STAG1: variants seen among roughly 807,000 people sequenced by gnomAD.
The protein encoded by STAG1 is STAG1 cohesin complex component, also known as cohesin subunit SA-1.
Under a neutral mutation model 170.9 loss-of-function variants are expected in STAG1, and 26 were observed. The observed-to-expected ratio is 0.15, with a 90% CI of 0.11 to 0.21. The LOEUF is 0.21. STAG1 is among the 10% of genes least tolerant of loss of function. STAG1 has a pLI of 1.00. For missense variants in STAG1, 964 were observed against 1,509.5 expected (o/e 0.64, Z 5.99); for synonymous variants, 514 against 497.7 (o/e 1.03, Z -0.44).
chr3:136,525,489 C>A (rs1934963285), intron 6 of STAG1, among the ~76,000 whole-genome samples: 2 of 151,858 alleles, frequency 1.3e-5, no homozygotes, highest in African/African-American at 4.8e-5. Flanking sequence ...TCTCTCTTTT[C>A]TTCTTTATTA....
intron 1 of STAG1, among the ~76,000 whole-genome samples, chr3:136,684,194 A>T (rs1316975608): frequency 1.3e-5 from 2 of 152,222 alleles, no homozygotes; most frequent in African/African-American, 4.8e-5. Flanking sequence ...TTTACTGAAG[A>T]GGCCAAAGGT....
rs1269297701 is a variant in STAG1 at position 136,433,715 on chromosome 3, T to C, written c.1547-56A>G. On this transcript the variant is annotated intron_variant, in intron 15 of 33. Transcript: ENST00000383202. ...TAGACAGTTTTACAACAACCATGTA[T>C]TAAAAATGAACACATTATTAAAAAA... 6 of 1,199,178 alleles carry C rather than the reference T, an allele frequency of 5.0e-6. No individual in the cohort carries two copies. The East Asian group carries it at 9.5e-5, about 19-fold the overall frequency. The allele number at this position is 1,199,178 out of a possible 1,614,324, so 74.3% of individuals were successfully genotyped here.
rs183035596 is a variant in STAG1, at chr3:136,379,784, C to G, written c.2278-2032G>C. ...GTAGCTGGGGTATAAATAGGGAAGACAGCAGCAAGAAAAAAAGCTAAAGAA... is the reference window on the plus strand; with the variant it reads ...GTAGCTGGGGTATAAATAGGGAAGAGAGCAGCAAGAAAAAAAGCTAAAGAA... On this transcript the variant is annotated intron_variant, in intron 22 of 33. Coordinates refer to ENST00000383202, the MANE Select transcript of STAG1 (RefSeq NM_005862.3). Among the ~76,000 whole-genome samples, 710 of 152,186 alleles carry G rather than the reference C, an allele frequency of 4.7e-3. 3 individuals carry two copies. The highest frequency in any genetic ancestry group is 6.8e-3 in the Non-Finnish European group (463 of 68,000).
intron 2 of STAG1, among the ~76,000 whole-genome samples, chr3:136,628,634 G>C (rs902136637): frequency 6.6e-6 from 1 of 152,070 alleles, no homozygotes. Flanking sequence ...CTAAACAAAG[G>C]CATGTGTTAA....
At chr3:136,378,776 G>T (rs1333558219) in intron 22 of STAG1, among the ~76,000 whole-genome samples, 1 of 152,172 alleles carries the variant, frequency 6.6e-6, no homozygotes, top group Non-Finnish European at 1.5e-5. Context: ...GTAATTATTA[G>T]CGAGGGGTTG....
At position 136,699,981 on chromosome 3, in the gene STAG1, T is replaced by C. The variant is rs1943003773; in HGVS notation, c.-84+52214A>G. Among the ~76,000 whole-genome samples the C allele has an allele frequency of 3.3e-5, 5 of 152,110 alleles. No homozygotes were observed. In the South Asian group the frequency reaches 1.0e-3, roughly 32 times the overall value. On this transcript the variant is annotated intron_variant, in intron 1 of 33. Coordinates refer to ENST00000383202, the MANE Select transcript of STAG1 (RefSeq NM_005862.3). ...AGCCATATCACATGTACATCTGCTT[T>C]AAATGCTATGCCTATTACTATTCAC...
At chr3:136,644,854 G>A (rs1190783618) in intron 1 of STAG1, among the ~76,000 whole-genome samples, 1 of 152,052 alleles carries the variant, frequency 6.6e-6, no homozygotes, top group African/African-American at 2.4e-5. Flanking sequence ...CCCAGTAGCT[G>A]GGACTATAGG....
intron 1 of STAG1, among the ~76,000 whole-genome samples, chr3:136,661,536 A>C (rs1277423884): frequency 6.6e-6 from 1 of 152,160 alleles, no homozygotes; most frequent in Non-Finnish European, 1.5e-5. Context: ...ACACATACGA[A>C]ATATAAATAA....
chr3:136,451,074 A>G (rs1454492089), intron 14 of STAG1, among the ~76,000 whole-genome samples: 3 of 152,070 alleles, frequency 2.0e-5, no homozygotes, highest in Non-Finnish European at 4.4e-5. Context: ...AAGCATTTCT[A>G]AACGAAGAAG....
intron 30 of STAG1, among the ~76,000 whole-genome samples, chr3:136,341,928 T>C (rs536002231): frequency 1.3e-5 from 2 of 152,334 alleles, no homozygotes; most frequent in South Asian, 4.1e-4. Flanking sequence ...AGGAAGAATA[T>C]AGCATCTTTT....
chr3:136,746,760 C>A (rs1308443029), intron 1 of STAG1, among the ~76,000 whole-genome samples: 1 of 152,052 alleles, frequency 6.6e-6, no homozygotes, highest in Admixed American at 6.6e-5. Context: ...ACCAGCCTGG[C>A]CTTAGGCAGG....
intron 1 of STAG1, among the ~76,000 whole-genome samples, chr3:136,632,967 C>T (rs1940390764): frequency 6.6e-6 from 1 of 151,870 alleles, no homozygotes; most frequent in Non-Finnish European, 1.5e-5. Context: ...TGAAAAATGT[C>T]AGTGTCCACA....
chr3:136,612,901 GA>G (rs1435092082), intron 3 of STAG1, among the ~76,000 whole-genome samples: 3 of 152,102 alleles, frequency 2.0e-5, no homozygotes, highest in Non-Finnish European at 4.4e-5. Context: ...TATATACCTA[GA>G]GGTATAACTG....
chr3:136,737,205 C>A, intron 1 of STAG1: 1 of 687,136 alleles, frequency 1.5e-6, no homozygotes, highest in Non-Finnish European at 2.7e-6. Flanking sequence ...CACACGAAGT[C>A]CCGCTCTCTC....
rs568403492 is a variant in STAG1, at chr3:136,737,223, C to T, written c.-84+14972G>A. The stretch of plus-strand genomic sequence containing the variant: ...ACGAAGTCCCGCTCTCTCCTGAAGC[C>T]GCCACTTCCCCAGCCCAGCCACCAC... On this transcript the variant is annotated intron_variant, in intron 1 of 33. Coordinates refer to ENST00000383202, the MANE Select transcript of STAG1 (RefSeq NM_005862.3). 2.0e-5 allele frequency: 13 copies of T among 661,646 alleles called. No individual in the cohort carries two copies. The Middle Eastern group carries it at 7.8e-4, about 40-fold the overall frequency. The allele number at this position is 661,646 out of a possible 1,614,324, so 41.0% of individuals were successfully genotyped here. A position where few individuals can be genotyped will look rare whatever the true frequency, so the allele number is the denominator to read the frequency against.
At chr3:136,614,121 C>A (rs900211911) in intron 3 of STAG1, among the ~76,000 whole-genome samples, 2 of 152,144 alleles carry the variant, frequency 1.3e-5, no homozygotes, top group Non-Finnish European at 2.9e-5. Flanking sequence ...GAGGCTAAGG[C>A]AGGAGAATTG....
At chr3:136,628,471 G>C (rs1294541867) in intron 2 of STAG1, among the ~76,000 whole-genome samples, 1 of 152,088 alleles carries the variant, frequency 6.6e-6, no homozygotes, top group Non-Finnish European at 1.5e-5. Context: ...GAAAAAAAAG[G>C]GGTGGGGGGA....
At position 136,737,844 on chromosome 3, in the gene STAG1, C is replaced by T. The variant is rs928619445; in HGVS notation, c.-84+14351G>A. 4.0e-5 allele frequency among the ~76,000 whole-genome samples: 6 copies of T among 151,890 alleles called. No homozygotes were observed. In the East Asian group the frequency reaches 7.8e-4, roughly 20 times the overall value. On this transcript the variant is annotated intron_variant, in intron 1 of 33. Coordinates refer to ENST00000383202, the MANE Select transcript of STAG1 (RefSeq NM_005862.3). ...CAACACTTTGGGAGGCCGAGGCGGG[C>T]GGATCTCAAGGTCAGGGGTTCAAGA...
chr3:136,412,659 G>A (rs1464972008), intron 21 of STAG1, among the ~76,000 whole-genome samples: 1 of 152,088 alleles, frequency 6.6e-6, no homozygotes, highest in Non-Finnish European at 1.5e-5. Context: ...ATTTAAACAT[G>A]CAGATCAGAC....
Sources: allele counts gnomAD v4.1 joint callset (sites outside exome capture counted in the v4.1 genomes callset), GRCh38; gene constraint gnomAD v4.1.1; transcripts MANE v1.5; gene names NCBI Gene and HGNC (gene_info 2026-07-23, HGNC 2026-07-21).